The following NTNG1 variants were observed in gnomAD, a reference collection of about 807,000 sequenced individuals.
The protein encoded by NTNG1 is netrin G1.
A neutral mutation model predicts 54.0 loss-of-function variants in NTNG1; 16 were observed. That is an observed-to-expected ratio of 0.30 (90% CI 0.20 to 0.45). The LOEUF (loss-of-function observed/expected upper bound fraction) is 0.45, where lower values mean the gene tolerates loss of function less well. NTNG1 is among the 20% of genes least tolerant of loss of function. NTNG1 has a pLI of 1.00. For missense variants in NTNG1, 530 were observed against 678.7 expected (o/e 0.78, Z 2.43); for synonymous variants, 255 against 263.1 (o/e 0.97, Z 0.30).
At chr1:107,257,259 T>C (rs1359330689) in intron 2 of NTNG1, among the ~76,000 whole-genome samples, 1 of 152,224 alleles carries the variant, frequency 6.6e-6, no homozygotes. Flanking sequence ...TAGGAGGTCC[T>C]CGTGGAAACA....
intron 2 of NTNG1, among the ~76,000 whole-genome samples, chr1:107,188,554 C>T (rs1009123319): frequency 6.6e-6 from 1 of 152,068 alleles, no homozygotes; most frequent in Non-Finnish European, 1.5e-5. Context: ...TGAATTAATG[C>T]CAAGAGAAAT....
At chr1:107,444,504 A>T (rs1676189201) in intron 7 of NTNG1, among the ~76,000 whole-genome samples, 1 of 152,100 alleles carries the variant, frequency 6.6e-6, no homozygotes, top group Admixed American at 6.6e-5. Context: ...CAGTGGACAT[A>T]CCAGACGGCA....
chr1:107,331,100 G>A (rs1668251832), intron 3 of NTNG1, among the ~76,000 whole-genome samples: 1 of 152,022 alleles, frequency 6.6e-6, no homozygotes. Context: ...AGAAAACTGA[G>A]GACCAGAGGA....
intron 2 of NTNG1, among the ~76,000 whole-genome samples, chr1:107,290,963 T>TC (rs199789100): frequency 3.5e-5 from 5 of 142,528 alleles, no homozygotes; most frequent in African/African-American, 1.3e-4. Context: ...TATATATATA[T>TC]TATATATATA....
intron 3 of NTNG1, among the ~76,000 whole-genome samples, chr1:107,373,593 G>T (rs1671056140): frequency 6.8e-6 from 1 of 147,374 alleles, no homozygotes. Flanking sequence ...TTTTCCTAAA[G>T]GACTTCCTTT....
At chr1:107,200,901 G>A (rs1658706555) in intron 2 of NTNG1, among the ~76,000 whole-genome samples, 2 of 151,658 alleles carry the variant, frequency 1.3e-5, no homozygotes, top group Non-Finnish European at 3.0e-5. Flanking sequence ...TCTTTTCTCT[G>A]ACCAGCATTA....
At chr1:107,311,193 T>C (rs1412506629) in intron 2 of NTNG1, among the ~76,000 whole-genome samples, 2 of 152,166 alleles carry the variant, frequency 1.3e-5, no homozygotes, top group Non-Finnish European at 1.5e-5. Context: ...ACCGTGCCAT[T>C]CAGTGCTTTT....
At chr1:107,377,490 T>C (rs1456155984) in intron 3 of NTNG1, among the ~76,000 whole-genome samples, 2 of 152,188 alleles carry the variant, frequency 1.3e-5, no homozygotes, top group African/African-American at 2.4e-5. Flanking sequence ...AGAAAAACAA[T>C]GGCTCTGTTC....
chr1:107,387,843 A>G (rs1672107006), intron 3 of NTNG1, among the ~76,000 whole-genome samples: 1 of 152,190 alleles, frequency 6.6e-6, no homozygotes, highest in South Asian at 2.1e-4. Context: ...AGTTCCAGGT[A>G]TATGAAGGGC....
intron 7 of NTNG1, among the ~76,000 whole-genome samples, chr1:107,461,055 G>A (rs1164349540): frequency 6.6e-6 from 1 of 152,192 alleles, no homozygotes; most frequent in Non-Finnish European, 1.5e-5. Context: ...ACAAGACAGA[G>A]AAGGCTTTAA....
chr1:107,217,762 G>T (rs1250037977), intron 2 of NTNG1, among the ~76,000 whole-genome samples: 1 of 152,024 alleles, frequency 6.6e-6, no homozygotes, highest in Non-Finnish European at 1.5e-5. Context: ...GGTTTTGAGG[G>T]TTCCTTTGGA....
intron 2 of NTNG1, among the ~76,000 whole-genome samples, chr1:107,303,468 A>G (rs996807779): frequency 1.3e-5 from 2 of 152,174 alleles, no homozygotes; most frequent in African/African-American, 2.4e-5. Context: ...CCTGTGTTTC[A>G]AAAATTACAA....
At chr1:107,173,361 C>T (rs1401473545) in intron 2 of NTNG1, among the ~76,000 whole-genome samples, 1 of 152,080 alleles carries the variant, frequency 6.6e-6, no homozygotes. Flanking sequence ...TTTCAAAGCC[C>T]TGGTGGAAGA....
intron 2 of NTNG1, among the ~76,000 whole-genome samples, chr1:107,189,639 T>C (rs1657752618): frequency 6.6e-6 from 1 of 152,104 alleles, no homozygotes; most frequent in Admixed American, 6.6e-5. Flanking sequence ...TCTCTACCTT[T>C]AAAAAATATC....
chr1:107,412,250 A>T (rs919498587), intron 5 of NTNG1, among the ~76,000 whole-genome samples: 17 of 152,190 alleles, frequency 1.1e-4, no homozygotes, highest in Admixed American at 1.0e-3. Context: ...GAATTCCTGT[A>T]CTGTGCCAGT....
chr1:107,308,667 TG>T (rs1396673828), intron 2 of NTNG1, among the ~76,000 whole-genome samples: 2 of 152,340 alleles, frequency 1.3e-5, no homozygotes, highest in Middle Eastern at 3.4e-3. Context: ...AATTTTAGAA[TG>T]TTTTTTCTAA....
chr1:107,475,227 AG>A (rs1435260579), intron 7 of NTNG1, among the ~76,000 whole-genome samples: 1 of 152,214 alleles, frequency 6.6e-6, no homozygotes, highest in Admixed American at 6.5e-5. Flanking sequence ...CTATGTTTTG[AG>A]GAGCATGGAA....
intron 2 of NTNG1, among the ~76,000 whole-genome samples, chr1:107,188,213 T>C (rs1004916978): frequency 3.3e-5 from 5 of 152,164 alleles, no homozygotes; most frequent in African/African-American, 1.2e-4. Context: ...AATGAATTTG[T>C]AGAACTTGGT....
In NTNG1 at chr1:107,173,936, C is replaced by G. The variant is rs568993875; in HGVS notation, c.246+25097C>G. Among the ~76,000 whole-genome samples, 17 of 152,114 alleles carry G rather than the reference C, an allele frequency of 1.1e-4. No homozygotes were observed. In the South Asian group the frequency reaches 3.5e-3, roughly 31 times the overall value. ...AATGAAAGTGTTACACTAGTCAACA[C>G]TACCTTTGAGAGAGGAAAGTTGAGT... On this transcript the variant is annotated intron_variant, in intron 2 of 7. Transcript: ENST00000370068.
Sources: gnomAD v4.1 joint callset for allele counts (sites outside exome capture counted in the v4.1 genomes callset) on GRCh38, gnomAD v4.1.1 for gene constraint, MANE v1.5 for transcripts, NCBI Gene and HGNC (gene_info 2026-07-23, HGNC 2026-07-21) for gene names.